The following ABCA4 variants were observed in gnomAD, a reference collection of about 807,000 sequenced individuals.
ABCA4 encodes the protein retinal-specific phospholipid-transporting ATPase ABCA4.
In ABCA4, 196 loss-of-function variants were observed where a neutral mutation model predicts 263.7. The observed-to-expected ratio is 0.74, with a 90% confidence interval of 0.66 to 0.84. ABCA4 has a LOEUF of 0.84. Among genes scored for constraint, ABCA4 ranks in the 40% least tolerant of loss-of-function variants. The pLI is 0.00. For synonymous variants in ABCA4, 1,133 were observed against 1,094.2 expected, an observed-to-expected ratio of 1.04 and a Z score of -0.70; for missense variants, 2,792 against 2,855.1, an observed-to-expected ratio of 0.98 and a Z score of 0.50.
chr1:94,082,924 G>C (rs1170558712), intron 7 of ABCA4, among the ~76,000 whole-genome samples: 1 of 152,192 alleles, frequency 6.6e-6, no homozygotes, highest in East Asian at 1.9e-4. Flanking sequence ...GATGAAATAA[G>C]CCAACATAGG....
intron 48 of ABCA4, among the ~76,000 whole-genome samples, chr1:93,997,496 C>T (rs1659038891): frequency 6.6e-6 from 1 of 151,452 alleles, no homozygotes; most frequent in South Asian, 2.1e-4. Context: ...TCTTAAACTC[C>T]TGGGCTCAAG....
intron 30 of ABCA4, among the ~76,000 whole-genome samples, chr1:94,026,923 AGTGT>A (rs914306299): frequency 1.3e-5 from 2 of 151,440 alleles, no homozygotes; most frequent in African/African-American, 4.9e-5. Context: ...TGGGTTTGTG[AGTGT>A]GTGTGTGTGA....
chr1:94,011,002 C>T, intron 39 of ABCA4, 73 bp from the exon 40 acceptor site: 1 of 1,611,686 alleles, frequency 6.2e-7, no homozygotes, highest in Non-Finnish European at 8.5e-7. Flanking sequence ...CAGCACAGGG[C>T]CCACTAGACC....
At chr1:94,009,132 C>T (rs1357359129) in intron 40 of ABCA4, among the ~76,000 whole-genome samples, 1 of 152,092 alleles carries the variant, frequency 6.6e-6, no homozygotes, top group South Asian at 2.1e-4. Flanking sequence ...CCTCTCTGAA[C>T]CTTGCCTACT....
rs1660575866 is a variant in ABCA4 at position 94,043,451 on chromosome 1, C to T, written c.3075G>A (p.Leu1025=). 1.2e-6 allele frequency: 2 copies of T among 1,614,166 alleles called. No homozygotes were observed. The highest frequency in any genetic ancestry group is 1.7e-6 in the Non-Finnish European group (2 of 1,180,034). Residue 1025 remains leucine, a synonymous_variant, in exon 21 of 50, where the codon CTG becomes CTA. Coordinates refer to ENST00000370225, the MANE Select transcript of ABCA4 (RefSeq NM_000350.3). ...FHHLTVAEHM[L]FYAQLKGKSQ... is the part of the protein sequence containing the mutation. ...ACTTTCCTTTCAGCTGGGCATAGAACAGCATGTGCTCAGCCACCGTGAGGC... is the reference window on the plus strand; with the variant it reads ...ACTTTCCTTTCAGCTGGGCATAGAATAGCATGTGCTCAGCCACCGTGAGGC...
Position 94,120,987 on chromosome 1 carries a change from C to T in ABCA4, c.59G>A (p.Arg20Lys). The T allele has an allele frequency of 6.2e-7, 1 of 1,605,452 alleles. No individual in the cohort carries two copies. The highest frequency in any genetic ancestry group is 2.3e-5 in the East Asian group (1 of 44,276). The change falls in exon 1 of 50, where the codon AGG becomes AAG. Residue 20 changes from arginine to lysine, a missense_variant. Transcript: ENST00000370225. Reference sequence around the variant, plus strand: ...ACAGACAGTAACTGTTACCTTTTGCCTTTTCCGCAGGGTCCAGTTCTTCCA... The same window carrying T: ...ACAGACAGTAACTGTTACCTTTTGCTTTTTCCGCAGGGTCCAGTTCTTCCA... Reference protein sequence around the residue: ...LLWKNWTLRKRQKIRFVVELV... With the variant: ...LLWKNWTLRKKQKIRFVVELV...
At chr1:94,119,755 T>C (rs992172889) in intron 1 of ABCA4, among the ~76,000 whole-genome samples, 1 of 152,206 alleles carries the variant, frequency 6.6e-6, no homozygotes, top group African/African-American at 2.4e-5. Flanking sequence ...GCTCTGTACT[T>C]AGCTAACACC....
In ABCA4 at chr1:94,081,021, G is replaced by A. The variant is rs186918675; in HGVS notation, c.859-303C>T. Among the ~76,000 whole-genome samples, 12 of 152,146 alleles carry A rather than the reference G, an allele frequency of 7.9e-5. No individual in the cohort carries two copies. The East Asian group carries it at 1.4e-3, about 17-fold the overall frequency. On this transcript the variant is annotated intron_variant, in intron 7 of 49. Transcript: ENST00000370225. ...GGGCGGATCACGAGGTCAGGAGATC[G>A]AGACCATCCTGGCGAACATGGTGAA... is the stretch of plus-strand genomic sequence containing the variant.
chr1:94,094,400 A>G (rs1016148887), intron 6 of ABCA4, among the ~76,000 whole-genome samples: 15 of 152,104 alleles, frequency 9.9e-5, no homozygotes, highest in African/African-American at 3.6e-4. Flanking sequence ...ACGTCCAGCC[A>G]CCCCGTAGTC....
In ABCA4 at chr1:94,113,039, G is replaced by T. The variant is rs760036995; in HGVS notation, c.94C>A (p.Pro32Thr). Residue 32 changes from proline (P) to threonine (T), a missense_variant, in exon 2 of 50, where the codon CCT becomes ACT. Physicochemically the swap from Pro to Thr is conservative, Grantham distance 38. Transcript: ENST00000370225. ...KIRFVVELVW[P>T]LSLFLVLIWL... ...ATCAAGACCAGAAATAAAGATAAAG[G>T]CCACACGAGTTCCACCACAAAGCGA... 6.2e-7 allele frequency: 1 copy of T among 1,614,114 alleles called. No homozygotes were observed. The highest frequency in any genetic ancestry group is 1.1e-5 in the South Asian group (1 of 91,080).
Position 94,108,620 on chromosome 1 carries a change from G to A in ABCA4, c.399C>T (p.Ser133=). The change falls in exon 4 of 50, where the codon TCC becomes TCT. Residue 133 remains serine (S), a synonymous_variant. Coordinates refer to ENST00000370225, the MANE Select transcript of ABCA4 (RefSeq NM_000350.3). The stretch of plus-strand genomic sequence containing the variant: ...GAGTCCGGAGGGTGTCCATGAATTG[G>A]GACAAGATGTGTAGCTCTGTCCAAA... The part of the protein sequence containing the change: ...GRIWTELHIL[S]QFMDTLRTHP... 6.2e-7 allele frequency: 1 copy of A among 1,613,774 alleles called. No homozygotes were observed. Among genetic ancestry groups the A allele is most frequent in the Non-Finnish European group, 8.5e-7 (1 of 1,180,012 alleles).
At chr1:94,101,907 G>A (rs1662296549) in intron 5 of ABCA4, among the ~76,000 whole-genome samples, 1 of 152,192 alleles carries the variant, frequency 6.6e-6, no homozygotes, top group Admixed American at 6.5e-5. Context: ...CAGTTCACCT[G>A]GAGTGGGCCC....
chr1:94,027,392 C>T (rs1660071770), intron 30 of ABCA4, among the ~76,000 whole-genome samples: 1 of 152,202 alleles, frequency 6.6e-6, no homozygotes, highest in African/African-American at 2.4e-5. Flanking sequence ...TACAGTATCA[C>T]AGCCTTGACG....
At chr1:94,055,486 A>G (rs564670336) in intron 15 of ABCA4, among the ~76,000 whole-genome samples, 171 bp from the exon 16 acceptor site, 1 of 152,184 alleles carries the variant, frequency 6.6e-6, no homozygotes, top group African/African-American at 2.4e-5. Context: ...GGCCAGGGGG[A>G]GTTCAGAGTG....
In ABCA4 at chr1:94,046,995, G is replaced by C. The variant is rs751222829; in HGVS notation, c.2842C>G (p.Arg948Gly). The C allele has an allele frequency of 6.2e-7, 1 of 1,614,098 alleles. No individual in the cohort carries two copies. Among genetic ancestry groups the C allele is most frequent in the Non-Finnish European group, 8.5e-7 (1 of 1,180,014 alleles). Reference sequence around the variant, plus strand: ...TTCTCGTAGAAGGTGATGTTCAGACGGTCCACAGCTGGCCGGCCACAGGGC... The same window carrying C: ...TTCTCGTAGAAGGTGATGTTCAGACCGTCCACAGCTGGCCGGCCACAGGGC... ...FEPCGRPAVD[R>G]LNITFYENQI... The change falls in exon 19 of 50, where the codon CGT becomes GGT. Residue 948 changes from arginine to glycine, a missense_variant. Coordinates refer to ENST00000370225, the MANE Select transcript of ABCA4 (RefSeq NM_000350.3).
At chr1:94,068,296 C>T (rs1661324304) in intron 11 of ABCA4, among the ~76,000 whole-genome samples, 1 of 152,188 alleles carries the variant, frequency 6.6e-6, no homozygotes, top group South Asian at 2.1e-4. Context: ...TCCCGAATGT[C>T]ATCCTCCCCA....
At chr1:94,078,808 A>C in intron 9 of ABCA4, 102 bp from the exon 10 acceptor site, 1 of 835,852 alleles carries the variant, frequency 1.2e-6, no homozygotes, top group Non-Finnish European at 2.1e-6. Context: ...GTGTTAGGGA[A>C]AGGCTTTTCA....
intron 12 of ABCA4, 97 bp downstream of exon 12, chr1:94,063,015 A>G (rs1425101024): frequency 8.0e-7 from 1 of 1,248,560 alleles, no homozygotes; most frequent in Non-Finnish European, 1.2e-6. Context: ...ACTTAATTTT[A>G]TTGATTTATG....
Position 94,048,966 on chromosome 1 carries a change from A to T in ABCA4, c.2654-9T>A, listed in dbSNP as rs1295406818. ...TTCTCTGGTTGAACACCCTGCACCA[A>T]TCAGAAGCCAGTGTTACTCTACCAC... is the stretch of plus-strand genomic sequence containing the variant. On this transcript the variant is annotated splice_polypyrimidine_tract_variant and intron_variant, in intron 17 of 49. Coordinates refer to ENST00000370225, the MANE Select transcript of ABCA4 (RefSeq NM_000350.3). The T allele has an allele frequency of 6.2e-7, 1 of 1,613,844 alleles. No homozygotes were observed.
Sources: gnomAD v4.1 joint callset for allele counts (sites outside exome capture counted in the v4.1 genomes callset) on GRCh38, gnomAD v4.1.1 for gene constraint, MANE v1.5 for transcripts, NCBI Gene and HGNC (gene_info 2026-07-23, HGNC 2026-07-21) for gene names.